Variants in ATP2B4 observed in about 807,000 individuals in gnomAD.
ATP2B4 encodes plasma membrane calcium-transporting ATPase 4.
In ATP2B4, 39 loss-of-function variants were observed where a neutral mutation model predicts 110.3. That is an observed-to-expected ratio of 0.35 (90% CI 0.27 to 0.46). The LOEUF (loss-of-function observed/expected upper bound fraction) is 0.46, where lower values mean the gene tolerates loss of function less well. Among genes scored for constraint, ATP2B4 ranks in the 20% least tolerant of loss-of-function variants. The pLI, the probability that ATP2B4 is intolerant of heterozygous loss-of-function variation, is 1.00. For synonymous variants in ATP2B4, 538 were observed against 571.7 expected (o/e 0.94, Z 0.84); for missense variants, 1,135 against 1,530.9 (o/e 0.74, Z 4.32).
chr1:203,697,024 T>C (rs140276028), intron 2 of ATP2B4, among the ~76,000 whole-genome samples: 2 of 152,286 alleles, frequency 1.3e-5, no homozygotes, highest in Non-Finnish European at 2.9e-5. Flanking sequence ...GCCCCACCTT[T>C]CTTGTTCTCT....
At chr1:203,642,035 C>T (rs1106891) in intron 1 of ATP2B4, among the ~76,000 whole-genome samples, 4,752 of 152,190 alleles carry the variant, frequency 0.031, 153 homozygotes, top group Admixed American at 0.095. Context: ...ACCCTCTGGG[C>T]GTGCTTCTGG....
chr1:203,713,757 A>G (rs1666081309), intron 14 of ATP2B4, among the ~76,000 whole-genome samples: 1 of 152,168 alleles, frequency 6.6e-6, no homozygotes, highest in African/African-American at 2.4e-5. Flanking sequence ...GAGCCACCGC[A>G]CCTGGCAATT....
At chr1:203,627,295 C>G (rs910720806) in intron 1 of ATP2B4, 76 bp downstream of exon 1, 1 of 152,246 alleles carries the variant, frequency 6.6e-6, no homozygotes, top group African/African-American at 2.4e-5. Context: ...GCTTCTAAAA[C>G]TCCCCGATTT....
In ATP2B4 at chr1:203,707,230, C is replaced by T. The variant is rs1381985891; in HGVS notation, c.1314+7C>T. ...ACTGGCCTACTCTGTGAAGGTGAGA[C>T]TAGAACAATCCTATCTCTTCCTTTA... On this transcript the variant is annotated splice_region_variant and intron_variant, in intron 9 of 20. Transcript: ENST00000357681. The T allele has an allele frequency of 6.2e-7, 1 of 1,608,914 alleles. No homozygotes were observed. The highest frequency in any genetic ancestry group is 8.5e-7 in the Non-Finnish European group (1 of 1,176,190).
At chr1:203,636,147 G>A (rs7529607) in intron 1 of ATP2B4, among the ~76,000 whole-genome samples, 2 of 152,130 alleles carry the variant, frequency 1.3e-5, no homozygotes, top group African/African-American at 2.4e-5. Flanking sequence ...CCCAGAGATT[G>A]TTGCTGACCA....
At chr1:203,646,068 C>CT (rs11446674) in intron 1 of ATP2B4, among the ~76,000 whole-genome samples, 95,791 of 151,652 alleles carry the variant, frequency 0.63, 33,954 homozygotes, top group Non-Finnish European at 0.8. Context: ...AGAATATTTA[C>CT]TTTTTTTCCA....
rs1422921884 is a variant in ATP2B4 at position 203,740,426 on chromosome 1, TCTTCC to T, written c.*578_*582del. ...CCTCTCCAAAGTTCTTTGTCTTTTG[TCTTCC>T]CTTCCTTTCCTTTTTTTTTTTTTTT... On this transcript the variant is annotated 3_prime_UTR_variant, in exon 21 of 21. Transcript: ENST00000357681. 1.4e-5 allele frequency: 2 copies of T among 147,400 alleles called. No individual in the cohort carries two copies. The highest frequency in any genetic ancestry group is 3.0e-5 in the Non-Finnish European group (2 of 66,892). 9.1% of individuals were successfully genotyped at this position (147,400 alleles called of 1,614,324 possible).
At chr1:203,703,621 C>G in intron 7 of ATP2B4, 31 bp from the exon 8 acceptor site, 1 of 1,604,198 alleles carries the variant, frequency 6.2e-7, no homozygotes, top group Non-Finnish European at 8.5e-7. Context: ...ACCTTGCCTG[C>G]TCACCTGTCC....
intron 18 of ATP2B4, 106 bp from the exon 19 acceptor site, chr1:203,723,775 A>C: frequency 6.2e-6 from 5 of 811,710 alleles, no homozygotes; most frequent in Non-Finnish European, 5.8e-6. Flanking sequence ...ACTTGTACCC[A>C]AGGATCCTGA....
Position 203,739,581 on chromosome 1 carries a change from C to T in ATP2B4, c.3345C>T (p.His1115=), listed in dbSNP as rs570460155. 39 of 1,613,980 alleles carry T rather than the reference C, an allele frequency of 2.4e-5. No individual in the cohort carries two copies. The highest frequency in any genetic ancestry group is 5.0e-5 in the Admixed American group (3 of 59,982). ...KVVKAFHSSL[H]ESIQKPYNQK... is the part of the protein sequence containing the mutation. Reference sequence around the variant, plus strand: ...TCAAAGCGTTCCATAGTTCCCTCCACGAAAGCATTCAGAAACCCTACAACC... The same window carrying T: ...TCAAAGCGTTCCATAGTTCCCTCCATGAAAGCATTCAGAAACCCTACAACC... The change falls in exon 21 of 21, where the codon CAC becomes CAT. Residue 1115 remains histidine (H), a synonymous_variant. Transcript: ENST00000357681.
At chr1:203,665,584 G>A (rs764933983) in intron 1 of ATP2B4, among the ~76,000 whole-genome samples, 83 of 152,176 alleles carry the variant, frequency 5.5e-4, no homozygotes, top group South Asian at 1.0e-3. Flanking sequence ...GGCGGATCAC[G>A]AGGTCAGGAG....
At position 203,700,200 on chromosome 1, in the gene ATP2B4, C is replaced by G. The variant is rs375584137; in HGVS notation, c.650-6C>G. On this transcript the variant is annotated splice_polypyrimidine_tract_variant and splice_region_variant and intron_variant, in intron 4 of 20. Coordinates refer to ENST00000357681, the MANE Select transcript of ATP2B4 (RefSeq NM_001684.5). The stretch of plus-strand genomic sequence containing the variant: ...TCACTGTCCCTCCTTCCCCTTTGTG[C>G]TCTAGGTGATCTGCTGCCTGCAGAT... 1 of 1,611,810 alleles carries G rather than the reference C, an allele frequency of 6.2e-7. No individual in the cohort carries two copies. The highest frequency in any genetic ancestry group is 1.1e-5 in the South Asian group (1 of 90,738).
intron 18 of ATP2B4, among the ~76,000 whole-genome samples, chr1:203,723,015 C>T (rs1469607956): frequency 6.6e-6 from 1 of 152,082 alleles, no homozygotes; most frequent in African/African-American, 2.4e-5. Flanking sequence ...CTTTCTATGG[C>T]TCCTGTCAGC....
rs540588118 is a variant in ATP2B4 at position 203,688,736 on chromosome 1, G to A, written c.193+5338G>A. 3.9e-5 allele frequency among the ~76,000 whole-genome samples: 6 copies of A among 152,248 alleles called. No individual in the cohort carries two copies. The South Asian group carries it at 1.0e-3, about 26-fold the overall frequency. ...GAGATGTTTAGCTACATGGCCTTCA[G>A]CAACAACCAGAAATAAGGCTGAGAG... is the stretch of plus-strand genomic sequence containing the variant. On this transcript the variant is annotated intron_variant, in intron 2 of 20. Coordinates refer to ENST00000357681, the MANE Select transcript of ATP2B4 (RefSeq NM_001684.5).
rs760025261 is a variant in ATP2B4, at chr1:203,699,458, A to G, written c.392-2A>G. The G allele has an allele frequency of 6.2e-7, 1 of 1,614,044 alleles. No homozygotes were observed. The highest frequency in any genetic ancestry group is 8.5e-7 in the Non-Finnish European group (1 of 1,179,954). ...GACTATTTCTCTCCCTTCCTGGGAT[A>G]GTGTGTGGTCAAGTCGCAACTACCC... On this transcript the variant is annotated splice_acceptor_variant, in intron 3 of 20. Transcript: ENST00000357681. LOFTEE classifies it high-confidence loss of function.
At chr1:203,725,624 T>C (rs1266201812) in intron 19 of ATP2B4, among the ~76,000 whole-genome samples, 1 of 152,228 alleles carries the variant, frequency 6.6e-6, no homozygotes, top group African/African-American at 2.4e-5. Context: ...ATTACGATTA[T>C]AATAGTATCA....
rs1248452173 is a variant in ATP2B4 at position 203,712,001 on chromosome 1, T to G, written c.2073T>G (p.Thr691=). ...AIAKCKQAGI[T]VRMVTGDNIN... ...CCAAATGCAAACAAGCTGGCATTAC[T>G]GTCAGAATGGTGACAGGTGACAACA... The change falls in exon 13 of 21, where the codon ACT becomes ACG. Residue 691 remains threonine (T), a synonymous_variant. Transcript: ENST00000357681. The G allele has an allele frequency of 3.1e-6, 5 of 1,614,194 alleles. No homozygotes were observed. The highest frequency in any genetic ancestry group is 4.2e-6 in the Non-Finnish European group (5 of 1,180,000).
At chr1:203,643,658 A>G (rs1663701187) in intron 1 of ATP2B4, among the ~76,000 whole-genome samples, 1 of 152,194 alleles carries the variant, frequency 6.6e-6, no homozygotes, top group African/African-American at 2.4e-5. Flanking sequence ...CTCTCTTGGA[A>G]CAGGGGGAAT....
At chr1:203,657,545 C>T in intron 1 of ATP2B4, 1 of 821,894 alleles carries the variant, frequency 1.2e-6, no homozygotes, top group Non-Finnish European at 2.1e-6. Context: ...TCTTTTCATG[C>T]ATCTTGATAG....
Sources: allele counts gnomAD v4.1 joint callset (sites outside exome capture counted in the v4.1 genomes callset), GRCh38; gene constraint gnomAD v4.1.1; transcripts MANE v1.5; gene names NCBI Gene and HGNC (gene_info 2026-07-23, HGNC 2026-07-21).